Variants in TENM3 observed in about 807,000 individuals in gnomAD.
TENM3 encodes teneurin transmembrane protein 3.
TENM3 carries 63 observed loss-of-function variants against 255.1 expected under a neutral mutation model. The ratio of observed to expected loss-of-function variants is 0.25; its 90% CI spans 0.20 to 0.30. The LOEUF (loss-of-function observed/expected upper bound fraction) is 0.30, where lower values mean the gene tolerates loss of function less well. Among genes scored for constraint, TENM3 ranks in the 10% least tolerant of loss-of-function variants. The pLI is 1.00. For synonymous variants in TENM3, 1,306 were observed against 1,322.3 expected (o/e 0.99, Z 0.27); for missense variants, 2,929 against 3,461.1 (o/e 0.85, Z 3.86).
At chr4:182,087,738 G>A in the TENM3 span, among the ~76,000 whole-genome samples, 1 of 152,006 alleles carries the variant, frequency 6.6e-6, no homozygotes. Context: ...TTGCCCATAC[G>A]TGGCCACAGG....
the TENM3 span, among the ~76,000 whole-genome samples, chr4:181,468,869 A>C: frequency 6.6e-6 from 1 of 152,220 alleles, no homozygotes; most frequent in African/African-American, 2.4e-5. Context: ...AGTTTCTGGA[A>C]AAGTCGTTAC....
At chr4:181,523,312 G>A in the TENM3 span, among the ~76,000 whole-genome samples, 1 of 151,790 alleles carries the variant, frequency 6.6e-6, no homozygotes, top group South Asian at 2.1e-4. Context: ...CCACAGTAGA[G>A]TTTGAAAAAC....
chr4:182,793,916 G>T lies in TENM3; in HGVS notation c.7213+31G>T, dbSNP rs2152832043. 1 of 1,549,664 alleles carries T rather than the reference G, an allele frequency of 6.5e-7. No individual in the cohort carries two copies. The highest frequency in any genetic ancestry group is 2.3e-5 in the East Asian group (1 of 44,344). On this transcript the variant is annotated intron_variant, in intron 26 of 27. Coordinates refer to ENST00000511685, the MANE Select transcript of TENM3 (RefSeq NM_001080477.4). This position sits in a 1 kb window ranked among gnomAD's most constrained non-coding sequence, Gnocchi z 5.7. ...CATTTTGATTCCTTCCCAAGAGCTG[G>T]AGGACTACCATCATTAGATTAATAC...
intron 3 of TENM3, chr4:182,449,040 G>A (rs1480811607): frequency 3.1e-5 from 12 of 382,258 alleles, no homozygotes; most frequent in Non-Finnish European, 5.3e-6. Context: ...TGGCAGCGCT[G>A]GGCTCGGTTC....
the TENM3 span, among the ~76,000 whole-genome samples, chr4:181,632,664 A>G: frequency 2.0e-5 from 3 of 152,140 alleles, no homozygotes; most frequent in African/African-American, 7.2e-5. Context: ...CTCAGTGTGA[A>G]TCACACATGA....
intron 12 of TENM3, among the ~76,000 whole-genome samples, chr4:182,695,349 G>C (rs1047134694): frequency 2.6e-5 from 4 of 152,168 alleles, no homozygotes; most frequent in African/African-American, 9.7e-5. Context: ...CATGGGTTCA[G>C]GTGTCGTATG....
chr4:181,897,233 T>C, the TENM3 span, among the ~76,000 whole-genome samples: 2 of 152,180 alleles, frequency 1.3e-5, 1 homozygote, highest in Admixed American at 1.3e-4. Flanking sequence ...TTCAAACAAA[T>C]TATTTTGGCA....
At chr4:182,428,896 A>G (rs748114573) in intron 3 of TENM3, among the ~76,000 whole-genome samples, 1 of 152,118 alleles carries the variant, frequency 6.6e-6, no homozygotes, top group Admixed American at 6.6e-5. Flanking sequence ...TGTTGATATA[A>G]TTGCTTCTCT....
chr4:182,488,068 C>T (rs1734929604), intron 3 of TENM3, among the ~76,000 whole-genome samples: 1 of 152,098 alleles, frequency 6.6e-6, no homozygotes, highest in African/African-American at 2.4e-5. Context: ...AAAGCAAGGA[C>T]ATAAAAATAA....
intron 3 of TENM3, among the ~76,000 whole-genome samples, chr4:182,468,330 C>T (rs755242457): frequency 8.5e-5 from 13 of 152,082 alleles, no homozygotes; most frequent in South Asian, 4.2e-4. Context: ...GTCAGATTTC[C>T]GCTGTGGGTG....
rs762887818 is a variant in TENM3 at position 182,628,699 on chromosome 4, T to C, written c.798T>C (p.Thr266=). 9.3e-6 allele frequency: 15 copies of C among 1,606,546 alleles called. No individual in the cohort carries two copies. The Admixed American group carries it at 2.0e-4, about 22-fold the overall frequency. The part of the protein sequence containing the change: ...TGTGTTPLFS[T]ATPGYTMASG... Reference sequence around the variant, plus strand: ...CAGGTACAACGCCACTGTTCAGTACTGCAACCCCAGGATACACAATGGCAT... The same window carrying C: ...CAGGTACAACGCCACTGTTCAGTACCGCAACCCCAGGATACACAATGGCAT... The change falls in exon 5 of 28, where the codon ACT becomes ACC. Residue 266 remains threonine (T), a synonymous_variant. Coordinates refer to ENST00000511685, the MANE Select transcript of TENM3 (RefSeq NM_001080477.4).
At chr4:181,893,487 G>GCCCCCCT in the TENM3 span, among the ~76,000 whole-genome samples, 4 of 74,688 alleles carry the variant, frequency 5.4e-5, no homozygotes, top group African/African-American at 1.6e-4. Context: ...ACTTTCCCCT[G>GCCCCCCT]CCCACCCCCC....
the TENM3 span, among the ~76,000 whole-genome samples, chr4:181,872,655 A>AT: frequency 1.3e-5 from 2 of 151,984 alleles, no homozygotes; most frequent in Non-Finnish European, 2.9e-5. Flanking sequence ...TCCCTCTTTC[A>AT]TTTTTTGATA....
chr4:182,314,594 A>C (rs969089180), intron 1 of TENM3, among the ~76,000 whole-genome samples: 13 of 152,108 alleles, frequency 8.5e-5, no homozygotes, highest in African/African-American at 3.1e-4. Context: ...TTTATGTTTA[A>C]TGTGATTATT....
intron 3 of TENM3, among the ~76,000 whole-genome samples, chr4:182,524,345 T>G (rs189310537): frequency 1.4e-3 from 191 of 141,132 alleles, no homozygotes; most frequent in African/African-American, 4.7e-3. Flanking sequence ...ACCTCCACAC[T>G]GATGAGCTTT....
intron 1 of TENM3, among the ~76,000 whole-genome samples, chr4:182,211,389 A>C (rs1228292566): frequency 1.3e-5 from 2 of 152,322 alleles, no homozygotes; most frequent in East Asian, 3.9e-4. Context: ...GCCATAATTC[A>C]ATATTAACCA....
intron 3 of TENM3, among the ~76,000 whole-genome samples, chr4:182,432,223 T>C (rs183870904): frequency 9.2e-5 from 14 of 152,290 alleles, no homozygotes; most frequent in African/African-American, 3.1e-4. Flanking sequence ...AGATAAAATT[T>C]CTACGTGTAA....
chr4:181,780,287 C>T, the TENM3 span, among the ~76,000 whole-genome samples: 1 of 152,134 alleles, frequency 6.6e-6, no homozygotes, highest in African/African-American at 2.4e-5. Flanking sequence ...TCCACATCCT[C>T]TCCAGCACCT....
intron 3 of TENM3, among the ~76,000 whole-genome samples, chr4:182,558,787 C>G (rs1455254805): frequency 6.6e-6 from 1 of 152,134 alleles, no homozygotes; most frequent in Non-Finnish European, 1.5e-5. Flanking sequence ...AGATATAAAT[C>G]AGTTTTTATG....
Sources: gnomAD v4.1 joint callset for allele counts (sites outside exome capture counted in the v4.1 genomes callset) on GRCh38, gnomAD v4.1.1 for gene constraint, Gnocchi (gnomAD v3.1) non-coding constraint, MANE v1.5 for transcripts, NCBI Gene and HGNC (gene_info 2026-07-23, HGNC 2026-07-21) for gene names.